ARHGEF28: variants seen among roughly 807,000 people sequenced by gnomAD.
The protein encoded by ARHGEF28 is 190 kDa guanine nucleotide exchange factor.
ARHGEF28 carries 152 observed loss-of-function variants against 206.6 expected under a neutral mutation model. The observed-to-expected ratio is 0.74, with a 90% CI of 0.64 to 0.84. ARHGEF28 has a LOEUF of 0.84. Among genes scored for constraint, ARHGEF28 ranks in the 40% least tolerant of loss-of-function variants. The pLI is 0.00. For missense variants in ARHGEF28, 2,028 were observed against 2,073.2 expected, an observed-to-expected ratio of 0.98 and a Z score of 0.42; for synonymous variants, 763 against 776.4, an observed-to-expected ratio of 0.98 and a Z score of 0.29.
At chr5:73,872,562 C>T (rs956128350) in intron 21 of ARHGEF28, among the ~76,000 whole-genome samples, 75 of 152,272 alleles carry the variant, frequency 4.9e-4, no homozygotes, top group African/African-American at 1.6e-3. Flanking sequence ...CATTGAAGAA[C>T]TTTCTTTAGT....
At chr5:73,895,049 G>A (rs1487056015) in intron 29 of ARHGEF28, among the ~76,000 whole-genome samples, 1 of 152,180 alleles carries the variant, frequency 6.6e-6, no homozygotes, top group East Asian at 1.9e-4. Context: ...CAGGCGATGA[G>A]TCCAGGGTTC....
chr5:73,734,228 A>G (rs2112356750), intron 2 of ARHGEF28, among the ~76,000 whole-genome samples: 1 of 152,252 alleles, frequency 6.6e-6, no homozygotes, highest in Admixed American at 6.5e-5. Flanking sequence ...TGGCAGAGAG[A>G]AAAGAGAAGA....
chr5:73,925,954 A>G (rs890230092), intron 35 of ARHGEF28, among the ~76,000 whole-genome samples: 1 of 152,142 alleles, frequency 6.6e-6, no homozygotes, highest in Non-Finnish European at 1.5e-5. Context: ...TTTCTCTTGG[A>G]TTAATACTTA....
At chr5:73,939,292 C>T (rs141734293) in intron 35 of ARHGEF28, among the ~76,000 whole-genome samples, 162 of 152,292 alleles carry the variant, frequency 1.1e-3, no homozygotes, top group African/African-American at 3.9e-3. Context: ...CTCCTGTGCT[C>T]TGTAAATGGT....
intron 2 of ARHGEF28, among the ~76,000 whole-genome samples, chr5:73,700,379 A>G (rs1045912327): frequency 6.6e-6 from 1 of 152,148 alleles, no homozygotes; most frequent in African/African-American, 2.4e-5. Context: ...ATTTTTTACT[A>G]TGAGCCCAAA....
At chr5:73,632,772 A>C (rs943119217) in intron 1 of ARHGEF28, among the ~76,000 whole-genome samples, 3 of 152,162 alleles carry the variant, frequency 2.0e-5, no homozygotes, top group Admixed American at 2.0e-4. Context: ...TTTAAAGTAT[A>C]GTTCTTCCAG....
intron 4 of ARHGEF28, among the ~76,000 whole-genome samples, chr5:73,757,332 G>T (rs939861416): frequency 3.3e-5 from 5 of 152,044 alleles, no homozygotes; most frequent in South Asian, 2.1e-4. Context: ...TTATTTTAAT[G>T]CTCAGTGTTC....
intron 1 of ARHGEF28, among the ~76,000 whole-genome samples, chr5:73,650,477 G>A (rs542369984): frequency 2.1e-3 from 312 of 151,648 alleles, no homozygotes; most frequent in African/African-American, 7.0e-3. Flanking sequence ...TAAAGATGAG[G>A]TTTCACTGTG....
intron 1 of ARHGEF28, among the ~76,000 whole-genome samples, chr5:73,676,069 C>CA (rs1409036429): frequency 8.7e-6 from 1 of 115,150 alleles, no homozygotes; most frequent in Non-Finnish European, 1.7e-5. Context: ...ATTTTCTTTT[C>CA]TTTTTTTTTT....
At chr5:73,830,388 C>T (rs1197326155) in intron 9 of ARHGEF28, among the ~76,000 whole-genome samples, 1 of 151,802 alleles carries the variant, frequency 6.6e-6, no homozygotes, top group Non-Finnish European at 1.5e-5. Context: ...CCCGTCTCTA[C>T]TGAAAAATAC....
intron 26 of ARHGEF28, 146 bp downstream of exon 26, chr5:73,887,825 GT>G: frequency 1.4e-6 from 1 of 709,460 alleles, no homozygotes; most frequent in Non-Finnish European, 2.2e-6. Flanking sequence ...TGATTGCAGT[GT>G]TTAGAGACAA....
chr5:73,686,464 G>T (rs150505009), intron 2 of ARHGEF28, among the ~76,000 whole-genome samples: 1 of 151,546 alleles, frequency 6.6e-6, no homozygotes, highest in African/African-American at 2.4e-5. Context: ...GGAGAGAAGA[G>T]ATTTAAATGA....
intron 1 of ARHGEF28, among the ~76,000 whole-genome samples, chr5:73,656,391 C>G (rs1233640573): frequency 6.6e-6 from 1 of 152,224 alleles, no homozygotes; most frequent in Non-Finnish European, 1.5e-5. Flanking sequence ...CCATCTGTGT[C>G]ATTCCCTATC....
intron 2 of ARHGEF28, among the ~76,000 whole-genome samples, chr5:73,741,379 GTGTGTGTA>G (rs1751395472): frequency 2.7e-5 from 1 of 37,666 alleles, no homozygotes; most frequent in Non-Finnish European, 4.7e-5. Flanking sequence ...GTGTGTGTGT[GTGTGTGTA>G]TATATATATA....
chr5:73,833,294 C>G (rs959958609), intron 10 of ARHGEF28, among the ~76,000 whole-genome samples: 1 of 152,050 alleles, frequency 6.6e-6, no homozygotes, highest in African/African-American at 2.4e-5. Context: ...ACATTTAACC[C>G]TTTTATGTTG....
rs752516799 is a variant in ARHGEF28, at chr5:73,886,045, A to G, written c.3251A>G (p.Glu1084Gly). Residue 1084 changes from glutamate to glycine, a missense_variant, in exon 25 of 36, where the codon GAA becomes GGA. Glu to Gly is a moderately conservative substitution (Grantham distance 98). This residue lies in a region of ARHGEF28 where 803 missense variants were observed against 768.0 expected (regional missense o/e 1.05). Coordinates refer to ENST00000513042, the MANE Select transcript of ARHGEF28 (RefSeq NM_001177693.2). ...VFRKQALMSEERTLLYDGLVY... is the reference protein window; with the variant it reads ...VFRKQALMSEGRTLLYDGLVY... The stretch of plus-strand genomic sequence containing the variant: ...AGGAAGCAGGCACTGATGAGTGAAG[A>G]AAGGACTCTGTTATATGATGGCCTT... The G allele has an allele frequency of 1.2e-6, 2 of 1,613,956 alleles. No individual in the cohort carries two copies. Among genetic ancestry groups the G allele is most frequent in the Non-Finnish European group, 1.7e-6 (2 of 1,179,868 alleles).
chr5:73,749,092 G>A (rs1167034045), intron 2 of ARHGEF28, among the ~76,000 whole-genome samples: 2 of 152,176 alleles, frequency 1.3e-5, no homozygotes, highest in Non-Finnish European at 2.9e-5. Context: ...GCAGGGCTTT[G>A]TGCCAACCAG....
intron 2 of ARHGEF28, among the ~76,000 whole-genome samples, chr5:73,689,591 A>C (rs1264775146): frequency 6.6e-6 from 1 of 152,208 alleles, no homozygotes; most frequent in Non-Finnish European, 1.5e-5. Context: ...ATCAGAGAAG[A>C]AGCAGGAATT....
At chr5:73,860,574 G>C (rs1759336773) in intron 16 of ARHGEF28, among the ~76,000 whole-genome samples, 1 of 152,100 alleles carries the variant, frequency 6.6e-6, no homozygotes, top group Non-Finnish European at 1.5e-5. Flanking sequence ...ATGTCACTCA[G>C]TCACTCTTTT....
Sources: gnomAD v4.1 joint callset for allele counts (sites outside exome capture counted in the v4.1 genomes callset) on GRCh38, gnomAD v4.1.1 for gene constraint, gnomAD v4.1.1 regional missense constraint, MANE v1.5 for transcripts, NCBI Gene and HGNC (gene_info 2026-07-23, HGNC 2026-07-21) for gene names.